The following KIFAP3 variants were observed in gnomAD, a reference collection of about 807,000 sequenced individuals.
KIFAP3 encodes kinesin-associated protein 3.
In KIFAP3, 68 loss-of-function variants were observed where a neutral mutation model predicts 106.5. The observed-to-expected ratio is 0.64, with a 90% CI of 0.53 to 0.78. KIFAP3 has a LOEUF of 0.78. Ranked by LOEUF, KIFAP3 falls within the 30% of genes least tolerant of loss-of-function variation. The probability of loss-of-function intolerance (pLI) is 0.00; values close to 1 mark genes in which losing one functional copy is unlikely to be tolerated. For synonymous variants in KIFAP3, 320 were observed against 311.5 expected (o/e 1.03, Z -0.29); for missense variants, 780 against 941.8 (o/e 0.83, Z 2.25).
At chr1:169,923,319 G>C (rs1371906157) in intron 19 of KIFAP3, among the ~76,000 whole-genome samples, 1 of 152,146 alleles carries the variant, frequency 6.6e-6, no homozygotes, top group East Asian at 1.9e-4. Flanking sequence ...AGGAAATCAA[G>C]AGGTAGCTTA....
At chr1:169,960,974 G>T in intron 18 of KIFAP3, 72 bp downstream of exon 18, 1 of 1,177,396 alleles carries the variant, frequency 8.5e-7, no homozygotes, top group Non-Finnish European at 1.2e-6. Flanking sequence ...GCTTGGGAAT[G>T]TGCAAGGCTG....
chr1:170,021,414 C>T (rs1668810662), intron 9 of KIFAP3, among the ~76,000 whole-genome samples: 1 of 146,330 alleles, frequency 6.8e-6, no homozygotes, highest in African/African-American at 2.5e-5. Flanking sequence ...TAAAAAAAAA[C>T]TTGGAGAGTT....
intron 8 of KIFAP3, among the ~76,000 whole-genome samples, chr1:170,026,920 C>T (rs1669139078): frequency 2.0e-5 from 3 of 151,650 alleles, no homozygotes; most frequent in Non-Finnish European, 2.9e-5. Flanking sequence ...AAACTGTTTC[C>T]AAGTAATTTA....
In KIFAP3 at chr1:169,982,096, A is replaced by C. The variant is rs1666553126; in HGVS notation, c.1674T>G (p.Gly558=). ...VPYLKDKLKP[G]AAEDDLVLEV... is the part of the protein sequence containing the mutation. Reference sequence around the variant, plus strand: ...CTAAAACAAGATCATCTTCTGCAGCACCTAGTGAAGTCAAACCATAGAAAG... The same window carrying C: ...CTAAAACAAGATCATCTTCTGCAGCCCCTAGTGAAGTCAAACCATAGAAAG... The change falls in exon 15 of 20, where the codon GGT becomes GGG. Residue 558 remains glycine (G), a splice_region_variant and synonymous_variant. Transcript: ENST00000361580. The C allele has an allele frequency of 6.2e-7, 1 of 1,612,302 alleles. No individual in the cohort carries two copies. The highest frequency in any genetic ancestry group is 8.5e-7 in the Non-Finnish European group (1 of 1,179,316).
intron 1 of KIFAP3, among the ~76,000 whole-genome samples, chr1:170,059,284 G>A (rs1241844393): frequency 6.6e-6 from 1 of 152,104 alleles, no homozygotes; most frequent in Non-Finnish European, 1.5e-5. Flanking sequence ...AAGGAGAAAA[G>A]AGAGAAGAAT....
At chr1:169,940,911 ATGTGTG>A (rs3838394) in intron 19 of KIFAP3, among the ~76,000 whole-genome samples, 5,992 of 148,076 alleles carry the variant, frequency 0.04, 153 homozygotes, top group African/African-American at 0.074. Context: ...TTTAAGAATT[ATGTGTG>A]TGTGTGTGTG....
At chr1:170,016,352 G>C in intron 10 of KIFAP3, 110 bp downstream of exon 10, 2 of 802,646 alleles carry the variant, frequency 2.5e-6, no homozygotes, top group Middle Eastern at 4.6e-4. Context: ...TCCAGTCAAA[G>C]AATATAGACA....
rs1205630888 is a variant in KIFAP3, at chr1:170,059,239, TCAA to T, written c.33-3806_33-3804del. Among the ~76,000 whole-genome samples, 6 of 151,244 alleles carry T rather than the reference TCAA, an allele frequency of 4.0e-5. 1 individual carries two copies. Among genetic ancestry groups the T allele is most frequent in the African/African-American group, 1.5e-4 (6 of 41,142 alleles). On this transcript the variant is annotated intron_variant, in intron 1 of 19. Coordinates refer to ENST00000361580, the MANE Select transcript of KIFAP3 (RefSeq NM_014970.4). ...CCCAGGAGATGGTTTTTTGAAAAGA[TCAA>T]CAAAACTGATAGACTGCTAGCAACA...
intron 19 of KIFAP3, among the ~76,000 whole-genome samples, chr1:169,940,560 T>C (rs1228632184): frequency 6.6e-6 from 1 of 152,098 alleles, no homozygotes; most frequent in Non-Finnish European, 1.5e-5. Flanking sequence ...GCACACAACA[T>C]AGATCCCTAG....
intron 10 of KIFAP3, among the ~76,000 whole-genome samples, chr1:169,998,434 A>C (rs965486781): frequency 8.2e-4 from 123 of 150,214 alleles, no homozygotes; most frequent in African/African-American, 2.9e-3. Flanking sequence ...ACACACACAC[A>C]CACCACACAC....
chr1:170,076,403 G>C (rs1020924124), upstream of KIFAP3, among the ~76,000 whole-genome samples: 5 of 152,180 alleles, frequency 3.3e-5, no homozygotes, highest in Non-Finnish European at 5.9e-5. Flanking sequence ...CATAGTCAGA[G>C]ACTAAGAAGA....
chr1:169,994,618 A>C (rs1359352770), intron 10 of KIFAP3, among the ~76,000 whole-genome samples: 1 of 152,120 alleles, frequency 6.6e-6, no homozygotes, highest in African/African-American at 2.4e-5. Flanking sequence ...TTTCACCTTA[A>C]ATAAAATCTA....
intron 1 of KIFAP3, among the ~76,000 whole-genome samples, chr1:170,084,413 A>T (rs932177228): frequency 6.6e-6 from 1 of 152,264 alleles, no homozygotes; most frequent in Non-Finnish European, 1.5e-5. Context: ...AACTGCTGCT[A>T]TATCAAATAC....
At chr1:170,069,834 G>GA (rs71125226) in intron 1 of KIFAP3, among the ~76,000 whole-genome samples, 110,151 of 150,202 alleles carry the variant, frequency 0.73, 40,544 homozygotes, top group East Asian at 0.87. Context: ...TGAGGCATGG[G>GA]AAAAAAAAAT....
chr1:169,926,903 A>G (rs1274292897), intron 19 of KIFAP3, among the ~76,000 whole-genome samples: 1 of 152,198 alleles, frequency 6.6e-6, no homozygotes, highest in Non-Finnish European at 1.5e-5. Flanking sequence ...GGAATTGTCA[A>G]GTGAAAGAAT....
At chr1:169,959,617 T>C (rs1181447777) in intron 18 of KIFAP3, among the ~76,000 whole-genome samples, 2 of 152,174 alleles carry the variant, frequency 1.3e-5, no homozygotes, top group African/African-American at 4.8e-5. Flanking sequence ...TTTAGAAATC[T>C]GTTTTGAAAT....
intron 18 of KIFAP3, among the ~76,000 whole-genome samples, chr1:169,959,701 T>C (rs1415158873): frequency 6.6e-6 from 1 of 152,148 alleles, no homozygotes; most frequent in Non-Finnish European, 1.5e-5. Context: ...AAACTGGTAA[T>C]TGATTCATTA....
chr1:169,957,043 C>T (rs189034412), intron 18 of KIFAP3, among the ~76,000 whole-genome samples: 212 of 152,242 alleles, frequency 1.4e-3, no homozygotes, highest in Middle Eastern at 6.8e-3. Flanking sequence ...TCTGTTAAAG[C>T]CTCTCATCCC....
chr1:170,044,893 C>CT (rs908583600), intron 3 of KIFAP3, among the ~76,000 whole-genome samples: 7 of 152,032 alleles, frequency 4.6e-5, no homozygotes, highest in African/African-American at 7.2e-5. Flanking sequence ...GTCAAGAAAA[C>CT]TTTTTTTTCT....
Sources: gnomAD v4.1 joint callset for allele counts (sites outside exome capture counted in the v4.1 genomes callset) on GRCh38, gnomAD v4.1.1 for gene constraint, MANE v1.5 for transcripts, NCBI Gene and HGNC (gene_info 2026-07-23, HGNC 2026-07-21) for gene names.